SOX6: variants seen among roughly 807,000 people sequenced by gnomAD.
SOX6 encodes transcription factor SOX-6.
SOX6 carries 11 observed loss-of-function variants against 97.8 expected under a neutral mutation model. The ratio of observed to expected loss-of-function variants is 0.11; its 90% CI spans 0.07 to 0.19. SOX6 has a LOEUF of 0.19. Ranked by LOEUF, SOX6 falls within the 10% of genes least tolerant of loss-of-function variation. The pLI, the probability that SOX6 is intolerant of heterozygous loss-of-function variation, is 1.00. For missense variants in SOX6, 810 were observed against 1,039.5 expected, an observed-to-expected ratio of 0.78 and a Z score of 3.04; for synonymous variants, 360 against 371.4, an observed-to-expected ratio of 0.97 and a Z score of 0.35.
chr11:16,370,786 C>T (rs1008398706), intron 1 of SOX6, among the ~76,000 whole-genome samples: 2 of 152,086 alleles, frequency 1.3e-5, no homozygotes, highest in Admixed American at 6.6e-5. Flanking sequence ...TATCATCCAA[C>T]AAATCCAATC....
intron 3 of SOX6, among the ~76,000 whole-genome samples, chr11:16,670,759 T>C (rs940037492): frequency 1.3e-5 from 2 of 152,102 alleles, no homozygotes; most frequent in African/African-American, 4.8e-5. Flanking sequence ...CCACAACCAC[T>C]ACTGAGGTCC....
chr11:16,216,613 A>G (rs1278645116), intron 4 of SOX6, among the ~76,000 whole-genome samples: 1 of 37,894 alleles, frequency 2.6e-5, no homozygotes, highest in Non-Finnish European at 5.8e-5. Context: ...TTTTCAGACT[A>G]AAAAAAAAAA....
chr11:16,018,266 A>T (rs2133866810), intron 12 of SOX6, among the ~76,000 whole-genome samples: 1 of 152,184 alleles, frequency 6.6e-6, no homozygotes, highest in Non-Finnish European at 1.5e-5. Flanking sequence ...CTGCTGTATT[A>T]TTATCCCTAA....
chr11:16,343,097 G>A, intron 1 of SOX6, among the ~76,000 whole-genome samples: 1 of 151,720 alleles, frequency 6.6e-6, no homozygotes, highest in Admixed American at 6.6e-5. Flanking sequence ...GGTAGCCAAT[G>A]GATGCTTCTT....
chr11:16,652,228 C>T (rs1230671698), intron 3 of SOX6, among the ~76,000 whole-genome samples: 1 of 152,024 alleles, frequency 6.6e-6, no homozygotes, highest in Non-Finnish European at 1.5e-5. Flanking sequence ...ATCAAAGTAC[C>T]ATCATTATTC....
chr11:16,460,539 T>A (rs143525086), intron 1 of SOX6, among the ~76,000 whole-genome samples: 3 of 152,222 alleles, frequency 2.0e-5, no homozygotes, highest in African/African-American at 4.8e-5. Flanking sequence ...GTCTATTTTT[T>A]AATTTTTATT....
intron 7 of SOX6, among the ~76,000 whole-genome samples, chr11:16,100,225 T>C (rs1848910003): frequency 6.6e-6 from 1 of 151,714 alleles, no homozygotes; most frequent in Admixed American, 6.6e-5. Context: ...GTTGTAGCAA[T>C]TTTTTTCAAA....
chr11:16,330,879 G>A (rs1189086194), intron 2 of SOX6, among the ~76,000 whole-genome samples: 1 of 151,930 alleles, frequency 6.6e-6, no homozygotes, highest in Non-Finnish European at 1.5e-5. Context: ...AGGCTTTCTA[G>A]GAGGTAACTT....
At chr11:16,531,356 A>G in intron 4 of SOX6, among the ~76,000 whole-genome samples, 1 of 151,776 alleles carries the variant, frequency 6.6e-6, no homozygotes, top group Non-Finnish European at 1.5e-5. Context: ...AATAAGAAAA[A>G]ATCAGCACTG....
intron 3 of SOX6, among the ~76,000 whole-genome samples, chr11:16,628,620 C>CA (rs71455891): frequency 0.17 from 17,858 of 102,842 alleles, 1,288 homozygotes; most frequent in Non-Finnish European, 0.21. Flanking sequence ...GACTCCATCT[C>CA]AAAAAAAAAA....
intron 3 of SOX6, chr11:16,317,990 C>G (rs1444674440): frequency 4.4e-6 from 2 of 451,962 alleles, no homozygotes; most frequent in Admixed American, 4.7e-5. Flanking sequence ...TTGAAGCCCT[C>G]TAACTCTCCA....
intron 5 of SOX6, among the ~76,000 whole-genome samples, chr11:16,184,665 A>G (rs1280515102): frequency 6.6e-6 from 1 of 152,108 alleles, no homozygotes; most frequent in East Asian, 1.9e-4. Context: ...TCTGGTCTAT[A>G]AAAAGAAATG....
intron 6 of SOX6, among the ~76,000 whole-genome samples, chr11:16,122,577 GCTTTCAC>G (rs1849520134): frequency 1.3e-5 from 2 of 151,928 alleles, no homozygotes; most frequent in Non-Finnish European, 2.9e-5. Context: ...AGGCAATCTG[GCTTTCAC>G]CTCTGAAGTA....
intron 3 of SOX6, among the ~76,000 whole-genome samples, chr11:16,697,272 T>C (rs2134039346): frequency 6.6e-6 from 1 of 152,342 alleles, no homozygotes; most frequent in South Asian, 2.1e-4. Flanking sequence ...TTAATGTTGA[T>C]ATTTTGATCT....
At chr11:16,682,351 A>C (rs1430831087) in intron 3 of SOX6, among the ~76,000 whole-genome samples, 1 of 152,194 alleles carries the variant, frequency 6.6e-6, no homozygotes, top group Admixed American at 6.5e-5. Flanking sequence ...AAATACTGGC[A>C]AACCAAATCC....
At chr11:16,238,178 A>G (rs1853081051) in intron 3 of SOX6, among the ~76,000 whole-genome samples, 2 of 151,940 alleles carry the variant, frequency 1.3e-5, no homozygotes, top group Admixed American at 6.6e-5. Flanking sequence ...CGCGAGCTGG[A>G]CTTCAGTTCT....
At chr11:16,106,343 CATAT>C (rs34425335) in intron 7 of SOX6, among the ~76,000 whole-genome samples, 2 of 150,472 alleles carry the variant, frequency 1.3e-5, no homozygotes, top group Admixed American at 6.6e-5. Flanking sequence ...CATAAGGAGA[CATAT>C]ATATATATAT....
intron 3 of SOX6, among the ~76,000 whole-genome samples, chr11:16,287,278 TCTCTCTCTCTCTCTCTCTCTCA>T (rs1209207912): frequency 4.4e-5 from 5 of 114,040 alleles, no homozygotes; most frequent in Non-Finnish European, 1.0e-4. Context: ...TCTCTCTCTC[TCTCTCTCTCTCTCTCTCTCTCA>T]CACACACACA....
intron 6 of SOX6, among the ~76,000 whole-genome samples, chr11:16,169,167 G>T (rs1325015643): frequency 6.6e-6 from 1 of 152,000 alleles, no homozygotes; most frequent in African/African-American, 2.4e-5. Flanking sequence ...TTAAAACATA[G>T]AAGTTTAGAG....
Sources: allele counts gnomAD v4.1 joint callset (sites outside exome capture counted in the v4.1 genomes callset), GRCh38; gene constraint gnomAD v4.1.1; transcripts MANE v1.5; gene names NCBI Gene and HGNC (gene_info 2026-07-23, HGNC 2026-07-21).